AGO2: variants seen among roughly 807,000 people sequenced by gnomAD.
AGO2 encodes protein argonaute-2.
A neutral mutation model predicts 102.3 loss-of-function variants in AGO2; 5 were observed. The observed-to-expected ratio is 0.05, with a 90% CI of 0.03 to 0.10. The LOEUF (loss-of-function observed/expected upper bound fraction) is 0.10. Among genes scored for constraint, AGO2 ranks in the 10% least tolerant of loss-of-function variants. The pLI is 1.00. For synonymous variants in AGO2, 449 were observed against 473.1 expected, an observed-to-expected ratio of 0.95 and a Z score of 0.66; for missense variants, 541 against 1,183.7, an observed-to-expected ratio of 0.46 and a Z score of 7.97.
intron 12 of AGO2, among the ~76,000 whole-genome samples, chr8:140,548,795 C>A (rs545591859): frequency 6.6e-6 from 1 of 152,132 alleles, no homozygotes; most frequent in African/African-American, 2.4e-5. Context: ...ACGCTCTGTG[C>A]GTTAAACAAA....
intron 1 of AGO2, among the ~76,000 whole-genome samples, chr8:140,609,509 C>T (rs2074048545): frequency 1.3e-5 from 2 of 152,230 alleles, no homozygotes; most frequent in Non-Finnish European, 2.9e-5. Flanking sequence ...CCGCACCGGC[C>T]TCGTCATCAA....
At position 140,535,450 on chromosome 8, in the gene AGO2, G is replaced by A; in HGVS notation, c.2271+18C>T. The A allele has an allele frequency of 1.9e-6, 3 of 1,612,226 alleles. No individual in the cohort carries two copies. The highest frequency in any genetic ancestry group is 1.7e-6 in the Non-Finnish European group (2 of 1,178,214). On this transcript the variant is annotated intron_variant, in intron 17 of 18. Transcript: ENST00000220592. Reference sequence around the variant, plus strand: ...GCAGACGGCCAAGACTCTGTCCGAAGGGGACTCCCGGCCTTACCTGGATGC... The same window carrying A: ...GCAGACGGCCAAGACTCTGTCCGAAAGGGACTCCCGGCCTTACCTGGATGC...
At chr8:140,555,626 C>T in intron 10 of AGO2, 1 of 408,796 alleles carries the variant, frequency 2.4e-6, no homozygotes, top group Non-Finnish European at 4.3e-6. Context: ...GAGTGTCTGT[C>T]ACACACAGAA....
At chr8:140,634,899 A>G (rs1312135847) in intron 1 of AGO2, among the ~76,000 whole-genome samples, 1 of 152,116 alleles carries the variant, frequency 6.6e-6, no homozygotes, top group Non-Finnish European at 1.5e-5. Flanking sequence ...AAGTGCCGGC[A>G]ACAAGAAGGG....
Position 140,532,135 on chromosome 8 carries a change from G to A in AGO2, c.2489C>T (p.Thr830Ile). The A allele has an allele frequency of 6.2e-7, 1 of 1,614,140 alleles. No individual in the cohort carries two copies. The highest frequency in any genetic ancestry group is 8.5e-7 in the Non-Finnish European group (1 of 1,180,012). The change falls in exon 19 of 19, where the codon ACC (threonine) becomes ATC (isoleucine). Residue 830 changes from threonine (T) to isoleucine (I), a missense_variant. Physicochemically the swap from Thr to Ile is moderately conservative, Grantham distance 89 (BLOSUM62 -1). Coordinates refer to ENST00000220592, the MANE Select transcript of AGO2 (RefSeq NM_012154.5). ...KEHDSAEGSH[T>I]SGQSNGRDHQ... ...GTCTCGCCCGTTACTCTGCCCAGAGGTATGGCTTCCTTCAGCACTGCAGGG... is the reference window on the plus strand; with the variant it reads ...GTCTCGCCCGTTACTCTGCCCAGAGATATGGCTTCCTTCAGCACTGCAGGG...
At chr8:140,635,078 G>A (rs1277532316) in intron 1 of AGO2, among the ~76,000 whole-genome samples, 1 of 148,174 alleles carries the variant, frequency 6.7e-6, no homozygotes, top group African/African-American at 2.4e-5. Context: ...CCCCGCCCGG[G>A]CAGCGAGGCC....
chr8:140,638,496 G>A (rs867311743), upstream of AGO2, among the ~76,000 whole-genome samples: 7 of 152,306 alleles, frequency 4.6e-5, no homozygotes, highest in Middle Eastern at 3.4e-3. Context: ...TTTTCACGAG[G>A]TACCTCAAGG....
At position 140,585,325 on chromosome 8, in the gene AGO2, G is replaced by A. The variant is rs368886880; in HGVS notation, c.23-14C>T. The A allele has an allele frequency of 5.0e-6, 8 of 1,612,242 alleles. No homozygotes were observed. In the African/African-American group the frequency reaches 9.3e-5, roughly 19 times the overall value. ...GAGGTGCAAGTGCTGGAATGGCAGAGAGAACACCCATTAACGGGGGAGCAG... is the reference window on the plus strand; with the variant it reads ...GAGGTGCAAGTGCTGGAATGGCAGAAAGAACACCCATTAACGGGGGAGCAG... On this transcript the variant is annotated splice_polypyrimidine_tract_variant and intron_variant, in intron 1 of 18. Transcript: ENST00000220592.
At chr8:140,603,266 C>T (rs2073955303) in intron 1 of AGO2, among the ~76,000 whole-genome samples, 1 of 152,210 alleles carries the variant, frequency 6.6e-6, no homozygotes, top group Non-Finnish European at 1.5e-5. Context: ...AAAACACACA[C>T]CTCAAAGCGG....
At chr8:140,614,768 C>T (rs1033438652) in intron 1 of AGO2, among the ~76,000 whole-genome samples, 1 of 152,212 alleles carries the variant, frequency 6.6e-6, no homozygotes, top group Non-Finnish European at 1.5e-5. Flanking sequence ...ACTTCCAAAA[C>T]GGGAGGATGG....
Position 140,562,545 on chromosome 8 carries a change from C to T in AGO2, c.426G>A (p.Ala142=), listed in dbSNP as rs1362900005. 8.7e-6 allele frequency: 14 copies of T among 1,614,038 alleles called. No individual in the cohort carries two copies. The highest frequency in any genetic ancestry group is 2.2e-5 in the East Asian group (1 of 44,890). The part of the protein sequence containing the change: ...IKWVSCVSLQ[A]LHDALSGRLP... ...GCCGCCCTGAAAGTGCATCGTGTAA[C>T]GCCTGCAAGCTCACGCAGGACACCC... Residue 142 remains alanine (A), a synonymous_variant, in exon 4 of 19, where the codon GCG becomes GCA. Transcript: ENST00000220592.
intron 3 of AGO2, among the ~76,000 whole-genome samples, chr8:140,565,410 G>A (rs1366556969): frequency 6.8e-6 from 1 of 147,680 alleles, no homozygotes; most frequent in African/African-American, 2.5e-5. Flanking sequence ...CTGCACTCCA[G>A]CCTGGGCGAC....
intron 10 of AGO2, chr8:140,555,282 C>G (rs1276623709): frequency 6.6e-6 from 1 of 152,306 alleles, no homozygotes. Context: ...AGAGGAGACC[C>G]TGGAGGGCTC....
chr8:140,608,258 C>T (rs1440205701), intron 1 of AGO2, among the ~76,000 whole-genome samples: 1 of 152,224 alleles, frequency 6.6e-6, no homozygotes, highest in East Asian at 1.9e-4. Flanking sequence ...TGCCTTCTCT[C>T]CCCTCCAGCA....
intron 1 of AGO2, among the ~76,000 whole-genome samples, chr8:140,630,523 G>A (rs1219961002): frequency 2.0e-5 from 3 of 152,230 alleles, no homozygotes; most frequent in Non-Finnish European, 4.4e-5. Context: ...GCCCCTGACC[G>A]CAGCAGCAGG....
At chr8:140,612,031 G>T (rs1343472220) in intron 1 of AGO2, among the ~76,000 whole-genome samples, 1 of 151,600 alleles carries the variant, frequency 6.6e-6, no homozygotes, top group African/African-American at 2.4e-5. Flanking sequence ...AGACCATCCT[G>T]GCTAACACGG....
rs1049328630 is a variant in AGO2, at chr8:140,564,934, G to A, written c.337-2300C>T. ...GTGGATCACGAGGTCAGGAGTTCGA[G>A]ACCACCCCGGCCCATAGTGAAACCT... is the stretch of plus-strand genomic sequence containing the variant. On this transcript the variant is annotated intron_variant, in intron 3 of 18. Coordinates refer to ENST00000220592, the MANE Select transcript of AGO2 (RefSeq NM_012154.5). 4.6e-5 allele frequency among the ~76,000 whole-genome samples: 7 copies of A among 152,020 alleles called. No homozygotes were observed. In the South Asian group the frequency reaches 1.2e-3, roughly 27 times the overall value.
rs370612467 is a variant in AGO2 at position 140,629,091 on chromosome 8, AAAATAAAT to A, written c.22+6386_22+6393del. 3.0e-3 allele frequency among the ~76,000 whole-genome samples: 452 copies of A among 152,190 alleles called. 3 individuals carry two copies. Among genetic ancestry groups the A allele is most frequent in the African/African-American group, 0.01 (435 of 41,524 alleles). On this transcript the variant is annotated intron_variant, in intron 1 of 18. Coordinates refer to ENST00000220592, the MANE Select transcript of AGO2 (RefSeq NM_012154.5). ...GGGCAACAGAGAGAGACTCTGTCTC[AAAATAAAT>A]AAATAAATAAATAAATTTTTAAAAA...
At chr8:140,548,021 G>A (rs2072932086) in intron 12 of AGO2, among the ~76,000 whole-genome samples, 1 of 152,218 alleles carries the variant, frequency 6.6e-6, no homozygotes, top group Non-Finnish European at 1.5e-5. Context: ...TGCTTAGGAA[G>A]GCCACTTACA....
Sources: gnomAD v4.1 joint callset for allele counts (sites outside exome capture counted in the v4.1 genomes callset) on GRCh38, gnomAD v4.1.1 for gene constraint, MANE v1.5 for transcripts, NCBI Gene and HGNC (gene_info 2026-07-23, HGNC 2026-07-21) for gene names.